Variants in WWOX observed in about 807,000 individuals in gnomAD.
WWOX encodes the protein WW domain-containing oxidoreductase.
A neutral mutation model predicts 46.2 loss-of-function variants in WWOX; 69 were observed. The ratio of observed to expected loss-of-function variants is 1.49; its 90% CI spans 1.23 to 1.82. The LOEUF is 1.82. WWOX is among the 40% of genes most tolerant of loss of function. The probability of loss-of-function intolerance (pLI) is 0.00; values close to 1 mark genes in which losing one functional copy is unlikely to be tolerated. For missense variants in WWOX, 919 were observed against 542.6 expected (o/e 1.69, Z -6.89); for synonymous variants, 359 against 202.6 (o/e 1.77, Z -6.56).
intron 8 of WWOX, among the ~76,000 whole-genome samples, chr16:78,679,222 T>A (rs2047672899): frequency 6.6e-6 from 1 of 152,136 alleles, no homozygotes; most frequent in Non-Finnish European, 1.5e-5. Flanking sequence ...TAGAACCCGT[T>A]TCTTACCATG....
intron 8 of WWOX, among the ~76,000 whole-genome samples, chr16:78,780,062 G>C (rs1477412): frequency 0.26 from 39,941 of 152,080 alleles, 5,723 homozygotes; most frequent in South Asian, 0.36. Context: ...TTTCTCAAGT[G>C]TTGAAATAAA....
At chr16:78,271,913 G>A (rs1209692134) in intron 5 of WWOX, among the ~76,000 whole-genome samples, 1 of 152,076 alleles carries the variant, frequency 6.6e-6, no homozygotes, top group Admixed American at 6.6e-5. Flanking sequence ...ACGTTTTCCG[G>A]GATAACTTAA....
chr16:78,417,966 C>T (rs1046072240), intron 6 of WWOX, among the ~76,000 whole-genome samples: 9 of 152,088 alleles, frequency 5.9e-5, no homozygotes, highest in South Asian at 2.1e-4. Flanking sequence ...TCCAGATTAC[C>T]GAGTGATAAT....
At chr16:78,424,460 G>C (rs576143881) in intron 6 of WWOX, among the ~76,000 whole-genome samples, 63 of 152,268 alleles carry the variant, frequency 4.1e-4, no homozygotes, top group African/African-American at 7.0e-4. Flanking sequence ...TCCTTTATTA[G>C]TCATAACTAC....
intron 5 of WWOX, among the ~76,000 whole-genome samples, chr16:78,218,598 C>T (rs933452855): frequency 2.0e-5 from 3 of 152,124 alleles, no homozygotes; most frequent in Admixed American, 6.5e-5. Context: ...AAAAATGTCA[C>T]GATAAAGCAG....
intron 8 of WWOX, among the ~76,000 whole-genome samples, chr16:78,995,776 C>G (rs1011833017): frequency 2.6e-5 from 4 of 152,060 alleles, no homozygotes; most frequent in African/African-American, 9.7e-5. Context: ...AATTTACTGT[C>G]TTTTATATGC....
At chr16:78,415,709 A>G (rs1042181521) in intron 6 of WWOX, among the ~76,000 whole-genome samples, 3 of 152,102 alleles carry the variant, frequency 2.0e-5, no homozygotes. Context: ...AAAGGGAAGG[A>G]GCTGGTCCCT....
In WWOX at chr16:78,585,073, G is replaced by T. The variant is rs529242501; in HGVS notation, c.1056+152321G>T. ...CCTGGCCTGTTCAAAGGCAGTTACG[G>T]ATCTTTTACTCAAAACCTGAACCTA... On this transcript the variant is annotated intron_variant, in intron 8 of 8. Coordinates refer to ENST00000566780, the MANE Select transcript of WWOX (RefSeq NM_016373.4). 9.2e-5 allele frequency among the ~76,000 whole-genome samples: 14 copies of T among 152,256 alleles called. No individual in the cohort carries two copies. The South Asian group carries it at 2.5e-3, about 27-fold the overall frequency.
chr16:78,687,266 C>T (rs1190398945), intron 8 of WWOX, among the ~76,000 whole-genome samples: 1 of 152,154 alleles, frequency 6.6e-6, no homozygotes, highest in African/African-American at 2.4e-5. Context: ...CCAATATGTT[C>T]TTAACATCTC....
At chr16:78,985,253 G>C (rs572180557) in intron 8 of WWOX, among the ~76,000 whole-genome samples, 1 of 152,204 alleles carries the variant, frequency 6.6e-6, no homozygotes, top group Admixed American at 6.5e-5. Context: ...AGGCACAAAC[G>C]CTGTCTTCTG....
chr16:78,586,893 T>C, intron 8 of WWOX, among the ~76,000 whole-genome samples: 1 of 152,154 alleles, frequency 6.6e-6, no homozygotes, highest in East Asian at 1.9e-4. Context: ...GTTGCATGCC[T>C]TCATATCCCC....
At chr16:79,058,572 G>A (rs2347087) in intron 8 of WWOX, among the ~76,000 whole-genome samples, 97,246 of 151,492 alleles carry the variant, frequency 0.64, 32,183 homozygotes, top group African/African-American at 0.8. Context: ...AGACATTCAC[G>A]TTTTGTGGTG....
intron 8 of WWOX, among the ~76,000 whole-genome samples, chr16:78,581,903 G>A (rs1442927063): frequency 1.3e-5 from 2 of 152,008 alleles, no homozygotes; most frequent in Non-Finnish European, 2.9e-5. Context: ...GTGTGGTCTC[G>A]AGATGACCTT....
intron 8 of WWOX, among the ~76,000 whole-genome samples, chr16:78,869,241 C>T (rs1371340333): frequency 2.0e-5 from 3 of 152,148 alleles, no homozygotes; most frequent in Non-Finnish European, 2.9e-5. Flanking sequence ...AAGCAGATCT[C>T]TATCCTGTCA....
At chr16:78,356,892 CA>C (rs33999856) in intron 5 of WWOX, among the ~76,000 whole-genome samples, 9 of 151,774 alleles carry the variant, frequency 5.9e-5, no homozygotes, top group South Asian at 2.1e-4. Context: ...AAAAAACAAA[CA>C]AAAAAAAGTT....
At chr16:78,824,034 G>A (rs181484137) in intron 8 of WWOX, among the ~76,000 whole-genome samples, 47 of 152,086 alleles carry the variant, frequency 3.1e-4, no homozygotes, top group Non-Finnish European at 5.4e-4. Context: ...CTTGATAGAC[G>A]TGTTCATTGT....
chr16:78,484,502 T>A (rs2084581087), intron 8 of WWOX, among the ~76,000 whole-genome samples: 1 of 152,204 alleles, frequency 6.6e-6, no homozygotes, highest in Admixed American at 6.5e-5. Context: ...ACAGTAAGAC[T>A]TATTAGCTGC....
In WWOX at chr16:79,072,571, C is replaced by T. The variant is rs74960117; in HGVS notation, c.1057-139037C>T. On this transcript the variant is annotated intron_variant, in intron 8 of 8. Transcript: ENST00000566780. ...TTTTGACATGCTTTTCTGCAGTTGA[C>T]GTTTTTATTTATTAAGCGCTTTACA... Among the ~76,000 whole-genome samples, 1,415 of 152,256 alleles carry T rather than the reference C, an allele frequency of 9.3e-3. 7 individuals are homozygous for T. The highest frequency in any genetic ancestry group is 0.015 in the Non-Finnish European group (1,014 of 68,010).
rs116921328 is a variant in WWOX, at chr16:79,185,478, T to G, written c.1057-26130T>G. On this transcript the variant is annotated intron_variant, in intron 8 of 8. Transcript: ENST00000566780. ...AATTACTTTTGGACATATTACTTGTTAGTTAAAGGAGATGTGACACCTCCT... is the reference window on the plus strand; with the variant it reads ...AATTACTTTTGGACATATTACTTGTGAGTTAAAGGAGATGTGACACCTCCT... Among the ~76,000 whole-genome samples, 342 of 128,746 alleles carry G rather than the reference T, an allele frequency of 2.7e-3. 1 individual carries two copies. The highest frequency in any genetic ancestry group is 3.8e-3 in the Non-Finnish European group (236 of 61,950). The allele number at this position is 128,746 out of a possible 152,430, so 84.5% of individuals were successfully genotyped here. A position where few individuals can be genotyped will look rare whatever the true frequency, so the allele number is the denominator to read the frequency against.
Sources: allele counts gnomAD v4.1 joint callset (sites outside exome capture counted in the v4.1 genomes callset), GRCh38; gene constraint gnomAD v4.1.1; transcripts MANE v1.5; gene names NCBI Gene and HGNC (gene_info 2026-07-23, HGNC 2026-07-21).